The following KITLG variants were observed in gnomAD, a reference collection of about 807,000 sequenced individuals.
The protein encoded by KITLG is c-Kit ligand.
KITLG carries 13 observed loss-of-function variants against 34.1 expected under a neutral mutation model. That is an observed-to-expected ratio of 0.38 (90% CI 0.25 to 0.61). The LOEUF (loss-of-function observed/expected upper bound fraction) is 0.61, where lower values mean the gene tolerates loss of function less well. Ranked by LOEUF, KITLG falls within the 20% of genes least tolerant of loss-of-function variation. The pLI, the probability that KITLG is intolerant of heterozygous loss-of-function variation, is 0.60. For missense variants in KITLG, 292 were observed against 318.9 expected (o/e 0.92, Z 0.64); for synonymous variants, 110 against 104.0 (o/e 1.06, Z -0.35).
intron 6 of KITLG, among the ~76,000 whole-genome samples, chr12:88,509,026 A>T (rs755776458): frequency 1.3e-5 from 2 of 152,176 alleles, no homozygotes; most frequent in Non-Finnish European, 2.9e-5. Flanking sequence ...CTTGAAGGCC[A>T]ATCTGCTGTG....
At chr12:88,546,081 T>A (rs915762674) in intron 1 of KITLG, 3 of 621,664 alleles carry the variant, frequency 4.8e-6, no homozygotes, top group African/African-American at 1.8e-5. Flanking sequence ...AATGACAATA[T>A]TGTTAACTTT....
intron 1 of KITLG, among the ~76,000 whole-genome samples, chr12:88,576,147 A>G (rs997564057): frequency 2.6e-5 from 4 of 152,206 alleles, no homozygotes; most frequent in South Asian, 4.1e-4. Context: ...GATAAAGATA[A>G]TATTTCCATT....
chr12:88,503,623 T>C (rs1419419333), intron 9 of KITLG, among the ~76,000 whole-genome samples: 1 of 152,078 alleles, frequency 6.6e-6, no homozygotes, highest in Non-Finnish European at 1.5e-5. Context: ...CTGTGGGTCT[T>C]CCCGCAACAG....
At chr12:88,538,157 C>T (rs1185626244) in intron 2 of KITLG, among the ~76,000 whole-genome samples, 2 of 151,902 alleles carry the variant, frequency 1.3e-5, no homozygotes, top group East Asian at 3.9e-4. Context: ...GTGGGACAGT[C>T]TAGATAGAGG....
chr12:88,551,446 C>T (rs921878376), intron 1 of KITLG, among the ~76,000 whole-genome samples: 1 of 152,178 alleles, frequency 6.6e-6, no homozygotes, highest in African/African-American at 2.4e-5. Context: ...AAATATTAAA[C>T]TTTGCTTTTC....
intron 1 of KITLG, among the ~76,000 whole-genome samples, chr12:88,570,708 A>G (rs1871620573): frequency 6.6e-6 from 1 of 152,130 alleles, no homozygotes; most frequent in South Asian, 2.1e-4. Context: ...CATTTTGGGC[A>G]AGTTTTCTTA....
chr12:88,524,886 G>T (rs764986274), intron 3 of KITLG, among the ~76,000 whole-genome samples: 4 of 152,096 alleles, frequency 2.6e-5, no homozygotes, highest in Non-Finnish European at 4.4e-5. Context: ...GTGTCTATTT[G>T]GCTGACGTCT....
rs368648104 is a variant in KITLG, at chr12:88,505,248, A to G, written c.783-13T>C. On this transcript the variant is annotated splice_polypyrimidine_tract_variant and intron_variant, in intron 8 of 9. Coordinates refer to ENST00000644744, the MANE Select transcript of KITLG (RefSeq NM_000899.5). The stretch of plus-strand genomic sequence containing the variant: ...CTCTTGCAACATACTGAAAAACAAT[A>G]AGAAAAAATGCTTATTTGCTCTTGG... 8.7e-6 allele frequency: 14 copies of G among 1,602,666 alleles called. No homozygotes were observed. In the African/African-American group the frequency reaches 1.3e-4, roughly 15 times the overall value.
chr12:88,552,582 A>T (rs1263448863), intron 1 of KITLG, among the ~76,000 whole-genome samples: 2 of 152,164 alleles, frequency 1.3e-5, no homozygotes, highest in African/African-American at 4.8e-5. Flanking sequence ...AATGAATGAA[A>T]GGTGTAGTGT....
At chr12:88,544,679 G>C (rs911838424) in intron 2 of KITLG, among the ~76,000 whole-genome samples, 3 of 151,890 alleles carry the variant, frequency 2.0e-5, no homozygotes, top group African/African-American at 7.3e-5. Context: ...GAACTCTCTG[G>C]GTCCTAAGGA....
At chr12:88,573,919 CAG>C (rs2120990237) in intron 1 of KITLG, among the ~76,000 whole-genome samples, 1 of 152,330 alleles carries the variant, frequency 6.6e-6, no homozygotes, top group Admixed American at 6.5e-5. Context: ...ACCTGGAACA[CAG>C]AAAAGGCTAC....
chr12:88,580,296 C>T lies in KITLG; in HGVS notation c.-18G>A, dbSNP rs776347893. Reference sequence around the variant, plus strand: ...TTCTTCATAAGGAAAGGCAGCGCTGCGATCCAGCACAAACAGTGGTGTGGC... The same window carrying T: ...TTCTTCATAAGGAAAGGCAGCGCTGTGATCCAGCACAAACAGTGGTGTGGC... On this transcript the variant is annotated 5_prime_UTR_variant, in exon 1 of 10. Transcript: ENST00000644744. The T allele has an allele frequency of 1.8e-5, 29 of 1,610,976 alleles. No homozygotes were observed. Among genetic ancestry groups the T allele is most frequent in the Middle Eastern group, 1.7e-4 (1 of 6,056 alleles).
At chr12:88,507,234 C>T (rs1869100267) in intron 6 of KITLG, 97 bp from the exon 7 acceptor site, 1 of 770,870 alleles carries the variant, frequency 1.3e-6, no homozygotes. Flanking sequence ...GTAACACATT[C>T]TGGACCTATA....
chr12:88,495,989 C>G lies in KITLG; in HGVS notation c.*1230G>C, dbSNP rs1403803827. ...CTTGGGAATTCCTGCCAAATTCACT[C>G]TTAATATGACAAACACTGTCACACA... On this transcript the variant is annotated 3_prime_UTR_variant, in exon 10 of 10. Coordinates refer to ENST00000644744, the MANE Select transcript of KITLG (RefSeq NM_000899.5). 1 of 152,150 alleles carries G rather than the reference C, an allele frequency of 6.6e-6. No homozygotes were observed. Among genetic ancestry groups the G allele is most frequent in the African/African-American group, 2.4e-5 (1 of 41,444 alleles). The allele number at this position is 152,150 out of a possible 1,614,324, so 9.4% of individuals were successfully genotyped here.
intron 6 of KITLG, among the ~76,000 whole-genome samples, chr12:88,513,430 C>G (rs555350680): frequency 1.4e-4 from 21 of 151,534 alleles, no homozygotes; most frequent in Non-Finnish European, 3.1e-4. Flanking sequence ...TCCAACTATA[C>G]CAATGATTTA....
intron 1 of KITLG, among the ~76,000 whole-genome samples, chr12:88,551,129 TATAA>T (rs1870901177): frequency 6.6e-6 from 1 of 152,210 alleles, no homozygotes; most frequent in African/African-American, 2.4e-5. Context: ...TTAAAGCCAT[TATAA>T]ATAAATTCAT....
Position 88,535,982 on chromosome 12 carries a change from T to C in KITLG, c.130-3479A>G, listed in dbSNP as rs1870302858. Among the ~76,000 whole-genome samples the C allele has an allele frequency of 2.0e-5, 3 of 152,250 alleles. No homozygotes were observed. The South Asian group carries it at 6.2e-4, about 32-fold the overall frequency. Reference sequence around the variant, plus strand: ...AACTTAGTAAACACCATTCTGGACATTGGCCTTGGGGAATAATTTATGACT... The same window carrying C: ...AACTTAGTAAACACCATTCTGGACACTGGCCTTGGGGAATAATTTATGACT... On this transcript the variant is annotated intron_variant, in intron 2 of 9. Transcript: ENST00000644744.
At chr12:88,543,988 T>C (rs1460306052) in intron 2 of KITLG, among the ~76,000 whole-genome samples, 3 of 152,150 alleles carry the variant, frequency 2.0e-5, no homozygotes, top group Non-Finnish European at 4.4e-5. Flanking sequence ...CTGAGAACAA[T>C]TTATTGATAA....
chr12:88,580,301 C>T lies in KITLG; in HGVS notation c.-23G>A, dbSNP rs1302606932. Reference sequence around the variant, plus strand: ...CATAAGGAAAGGCAGCGCTGCGATCCAGCACAAACAGTGGTGTGGCGACTC... The same window carrying T: ...CATAAGGAAAGGCAGCGCTGCGATCTAGCACAAACAGTGGTGTGGCGACTC... On this transcript the variant is annotated 5_prime_UTR_variant, in exon 1 of 10. Coordinates refer to ENST00000644744, the MANE Select transcript of KITLG (RefSeq NM_000899.5). 5 of 1,610,822 alleles carry T rather than the reference C, an allele frequency of 3.1e-6. No individual in the cohort carries two copies. Among genetic ancestry groups the T allele is most frequent in the Non-Finnish European group, 3.4e-6 (4 of 1,178,630 alleles).
Sources: gnomAD v4.1 joint callset for allele counts (sites outside exome capture counted in the v4.1 genomes callset) on GRCh38, gnomAD v4.1.1 for gene constraint, MANE v1.5 for transcripts, NCBI Gene and HGNC (gene_info 2026-07-23, HGNC 2026-07-21) for gene names.